The following TMLHE variants were observed in gnomAD, a reference collection of about 807,000 sequenced individuals.
The protein encoded by TMLHE is trimethyllysine dioxygenase, mitochondrial.
Under a neutral mutation model 25.7 loss-of-function variants are expected in TMLHE, and 18 were observed. The observed-to-expected ratio is 0.70, with a 90% CI of 0.48 to 1.04. The LOEUF (loss-of-function observed/expected upper bound fraction) is 1.04. Ranked by LOEUF, TMLHE falls within the 50% of genes least tolerant of loss-of-function variation. The pLI, the probability that TMLHE is intolerant of heterozygous loss-of-function variation, is 0.00. For synonymous variants in TMLHE, 105 were observed against 97.0 expected, an observed-to-expected ratio of 1.08 and a Z score of -0.49; for missense variants, 236 against 259.0, an observed-to-expected ratio of 0.91 and a Z score of 0.61.
chrX:155,543,460 AT>A (rs1456747783), intron 2 of TMLHE, among the ~76,000 whole-genome samples: 4 of 112,152 alleles, frequency 3.6e-5, no homozygotes, highest in African/African-American at 1.3e-4. Context: ...TTAGGAATAA[AT>A]TTAACCAAGG....
chrX:155,521,988 C>T (rs1229590738), intron 3 of TMLHE, among the ~76,000 whole-genome samples: 8 of 108,652 alleles, frequency 7.4e-5, no homozygotes, highest in Non-Finnish European at 1.3e-4. Context: ...TCTTCTGCGT[C>T]GCTCACGCTG....
chrX:155,535,862 A>G (rs1365244390), intron 2 of TMLHE, among the ~76,000 whole-genome samples: 3 of 112,221 alleles, frequency 2.7e-5, no homozygotes, highest in Admixed American at 1.9e-4. Flanking sequence ...AAGGGTCTGC[A>G]CAATGTGGCC....
rs187218075 is a variant in TMLHE at position 155,549,270 on chromosome X, G to C, written c.-1-3993C>G. Among the ~76,000 whole-genome samples, 19 of 110,671 alleles carry C rather than the reference G, an allele frequency of 1.7e-4. No homozygotes were observed. The East Asian group carries it at 2.8e-3, about 16-fold the overall frequency. On this transcript the variant is annotated intron_variant, in intron 1 of 7. Transcript: ENST00000334398. The stretch of plus-strand genomic sequence containing the variant: ...TGTGCTCACTAGTTAGGAGGAGTAA[G>C]CATGGACAACCTTGCCTTGTTCCTG...
chrX:155,591,225 T>G (rs188139055), intron 1 of TMLHE, among the ~76,000 whole-genome samples: 237 of 110,904 alleles, frequency 2.1e-3, no homozygotes, highest in Middle Eastern at 0.019. Context: ...AAGAAAGAAA[T>G]AATGCAACAA....
At chrX:155,545,627 T>A (rs2067339691) in intron 1 of TMLHE, among the ~76,000 whole-genome samples, 1 of 112,156 alleles carries the variant, frequency 8.9e-6, no homozygotes, top group African/African-American at 3.2e-5. Flanking sequence ...GGTGGTCCCA[T>A]AAGATTATAA....
At chrX:155,543,208 A>G (rs1385753730) in intron 2 of TMLHE, among the ~76,000 whole-genome samples, 1 of 111,072 alleles carries the variant, frequency 9.0e-6, no homozygotes, top group Admixed American at 9.7e-5. Context: ...CAGAGTAATT[A>G]GGCAAGAAAA....
At position 155,509,367 on chromosome X, in the gene TMLHE, A is replaced by T. The variant is rs192692173; in HGVS notation, c.759-2233T>A. On this transcript the variant is annotated intron_variant, in intron 5 of 7. Coordinates refer to ENST00000334398, the MANE Select transcript of TMLHE (RefSeq NM_018196.4). ...TTGTCCAAGATCACAAATCTAATAC[A>T]TGTTGAGGCTGGAATGCAAATCTGG... Among the ~76,000 whole-genome samples, 184 of 111,818 alleles carry T rather than the reference A, an allele frequency of 1.6e-3. 1 individual carries two copies. In the Middle Eastern group the frequency reaches 0.018, roughly 11 times the overall value.
At chrX:155,534,656 C>T (rs369002547) in intron 2 of TMLHE, among the ~76,000 whole-genome samples, 10 of 111,706 alleles carry the variant, frequency 9.0e-5, no homozygotes, top group African/African-American at 3.2e-4. Context: ...TAAATTGTAC[C>T]TCAAGTCTCA....
intron 1 of TMLHE, among the ~76,000 whole-genome samples, chrX:155,576,375 G>A (rs1456641311): frequency 9.0e-6 from 1 of 111,202 alleles, no homozygotes; most frequent in African/African-American, 3.3e-5. Flanking sequence ...CCAACAAATG[G>A]GAAAACATTC....
At chrX:155,522,001 A>G (rs2067190638) in intron 3 of TMLHE, among the ~76,000 whole-genome samples, 1 of 109,365 alleles carries the variant, frequency 9.1e-6, no homozygotes, top group South Asian at 4.0e-4. Context: ...TCACGCTGGG[A>G]GCTGTACACC....
chrX:155,532,362 T>C (rs1365505572), intron 2 of TMLHE, among the ~76,000 whole-genome samples: 3 of 111,705 alleles, frequency 2.7e-5, no homozygotes, highest in Non-Finnish European at 5.6e-5. Flanking sequence ...CTTCTAATAG[T>C]CTTGAGCTTT....
chrX:155,544,238 C>T (rs1046678304), intron 2 of TMLHE, among the ~76,000 whole-genome samples: 3 of 112,001 alleles, frequency 2.7e-5, no homozygotes, highest in Non-Finnish European at 5.6e-5. Flanking sequence ...GTCCTAATCC[C>T]TGGTACCTGT....
At position 155,524,650 on chromosome X, in the gene TMLHE, T is replaced by C; in HGVS notation, c.182-18A>G. 1.7e-6 allele frequency: 2 copies of C among 1,143,440 alleles called. No individual in the cohort carries two copies. Among genetic ancestry groups the C allele is most frequent in the South Asian group, 2.3e-5 (1 of 44,342 alleles). The allele number at this position is 1,143,440 out of a possible 1,213,427, so 94.2% of individuals were successfully genotyped here. ...TTTCAGCTCTAGGGAAAAGATCACA[T>C]TTATCAGAACTATTTATTGAGATAA... is the stretch of plus-strand genomic sequence containing the variant. On this transcript the variant is annotated intron_variant, in intron 2 of 7. Transcript: ENST00000334398.
rs1250716660 is a variant in TMLHE at position 155,555,811 on chromosome X, T to C, written c.-1-10534A>G. Among the ~76,000 whole-genome samples the C allele has an allele frequency of 7.2e-5, 8 of 110,488 alleles. No individual in the cohort carries two copies. The East Asian group carries it at 2.0e-3, about 27-fold the overall frequency. On this transcript the variant is annotated intron_variant, in intron 1 of 7. Coordinates refer to ENST00000334398, the MANE Select transcript of TMLHE (RefSeq NM_018196.4). Reference sequence around the variant, plus strand: ...GTAGACTGCAAAAATTTTCTCCCATTCTGTAGGTTGCCTGTTCACTCTGAT... The same window carrying C: ...GTAGACTGCAAAAATTTTCTCCCATCCTGTAGGTTGCCTGTTCACTCTGAT...
At chrX:155,579,522 T>C (rs782795259) in intron 1 of TMLHE, among the ~76,000 whole-genome samples, 2 of 112,038 alleles carry the variant, frequency 1.8e-5, no homozygotes, top group African/African-American at 6.5e-5. Context: ...TTATTTTTCT[T>C]TTTCAACTTT....
chrX:155,548,536 C>CCT (rs1557339348), intron 1 of TMLHE, among the ~76,000 whole-genome samples: 1 of 106,946 alleles, frequency 9.4e-6, no homozygotes, highest in Non-Finnish European at 1.9e-5. Flanking sequence ...CAGTATGAGG[C>CCT]CAGCCTGACT....
intron 1 of TMLHE, among the ~76,000 whole-genome samples, chrX:155,596,994 C>T (rs931146798): frequency 1.1e-4 from 12 of 106,502 alleles, no homozygotes; most frequent in African/African-American, 4.1e-4. Flanking sequence ...CGTCATTTAG[C>T]GTTAGGTATA....
At chrX:155,554,463 G>T (rs782728126) in intron 1 of TMLHE, among the ~76,000 whole-genome samples, 1 of 110,658 alleles carries the variant, frequency 9.0e-6, no homozygotes, top group Admixed American at 9.6e-5. Flanking sequence ...TAGTTCTATC[G>T]TCTTCATGTT....
chrX:155,601,817 G>A (rs2067757846), intron 1 of TMLHE, among the ~76,000 whole-genome samples: 1 of 107,675 alleles, frequency 9.3e-6, no homozygotes, highest in Non-Finnish European at 1.9e-5. Flanking sequence ...GACATAAACA[G>A]GTTAAAAGAA....
Sources: allele counts gnomAD v4.1 joint callset (sites outside exome capture counted in the v4.1 genomes callset), GRCh38; gene constraint gnomAD v4.1.1; transcripts MANE v1.5; gene names NCBI Gene and HGNC (gene_info 2026-07-23, HGNC 2026-07-21).